The following RAPGEF2 variants were observed in gnomAD, a reference collection of about 807,000 sequenced individuals.
RAPGEF2 encodes PDZ domain containing guanine nucleotide exchange factor (GEF) 1.
RAPGEF2 carries 54 observed loss-of-function variants against 186.7 expected under a neutral mutation model. That is an observed-to-expected ratio of 0.29 (90% confidence interval 0.23 to 0.36). The LOEUF (loss-of-function observed/expected upper bound fraction) is 0.36, where lower values mean the gene tolerates loss of function less well. Ranked by LOEUF, RAPGEF2 falls within the 10% of genes least tolerant of loss-of-function variation. The pLI, the probability that RAPGEF2 is intolerant of heterozygous loss-of-function variation, is 1.00. For synonymous variants in RAPGEF2, 712 were observed against 705.9 expected (o/e 1.01, Z -0.14); for missense variants, 1,532 against 2,045.0 (o/e 0.75, Z 4.84).
intron 7 of RAPGEF2, chr4:159,267,848 A>G: frequency 9.3e-7 from 1 of 1,077,612 alleles, no homozygotes; most frequent in Non-Finnish European, 1.1e-6. Flanking sequence ...AATCTCAGAA[A>G]TGATCTTGTT....
intron 4 of RAPGEF2, among the ~76,000 whole-genome samples, chr4:159,215,780 T>A (rs1420216320): frequency 6.6e-6 from 1 of 152,086 alleles, no homozygotes; most frequent in Non-Finnish European, 1.5e-5. Context: ...GACTGTAAGG[T>A]TGAAGGGAAA....
intron 9 of RAPGEF2, among the ~76,000 whole-genome samples, chr4:159,317,126 A>G (rs530726575): frequency 1.3e-5 from 2 of 152,202 alleles, no homozygotes; most frequent in African/African-American, 2.4e-5. Flanking sequence ...AACATGTATG[A>G]GGAAAAACTT....
At chr4:159,174,550 C>T (rs1746252392) in intron 1 of RAPGEF2, among the ~76,000 whole-genome samples, 1 of 152,136 alleles carries the variant, frequency 6.6e-6, no homozygotes, top group Non-Finnish European at 1.5e-5. Flanking sequence ...AATTACTAAT[C>T]ACCTTTGTCT....
intron 1 of RAPGEF2, among the ~76,000 whole-genome samples, chr4:159,152,262 A>G (rs1743630507): frequency 6.6e-6 from 1 of 152,184 alleles, no homozygotes; most frequent in South Asian, 2.1e-4. Context: ...AGAGTCTGCA[A>G]GTGAGCCAGG....
At chr4:159,282,460 C>T (rs879278618) in intron 7 of RAPGEF2, 3 of 246,388 alleles carry the variant, frequency 1.2e-5, no homozygotes, top group South Asian at 4.2e-5. Flanking sequence ...GTAGTCATTT[C>T]GTGTGTGTGT....
chr4:159,200,541 G>C (rs1374098555), intron 3 of RAPGEF2, among the ~76,000 whole-genome samples: 3 of 151,860 alleles, frequency 2.0e-5, no homozygotes, highest in East Asian at 3.9e-4. Flanking sequence ...TGGCTTTACT[G>C]GTTCTTTAGT....
At chr4:159,340,522 A>G (rs1031201331) in intron 19 of RAPGEF2, among the ~76,000 whole-genome samples, 5 of 152,146 alleles carry the variant, frequency 3.3e-5, no homozygotes, top group South Asian at 2.1e-4. Context: ...ATTTTCTGTT[A>G]TATGTGTTTG....
intron 7 of RAPGEF2, among the ~76,000 whole-genome samples, chr4:159,261,822 C>A (rs577349345): frequency 6.6e-6 from 1 of 152,154 alleles, no homozygotes; most frequent in Non-Finnish European, 1.5e-5. Flanking sequence ...TTATAGATAA[C>A]CCCTTCTACC....
intron 1 of RAPGEF2, among the ~76,000 whole-genome samples, chr4:159,137,012 A>G (rs887201411): frequency 2.0e-5 from 3 of 152,214 alleles, no homozygotes; most frequent in African/African-American, 7.2e-5. Flanking sequence ...GTAAATTTAT[A>G]ATCATCATAG....
intron 7 of RAPGEF2, chr4:159,268,109 G>A: frequency 6.2e-7 from 1 of 1,604,432 alleles, no homozygotes. Context: ...CATCGTGAGA[G>A]ATTGGTACAT....
intron 1 of RAPGEF2, among the ~76,000 whole-genome samples, chr4:159,108,758 A>G (rs1738171307): frequency 6.6e-6 from 1 of 152,046 alleles, no homozygotes; most frequent in Admixed American, 6.6e-5. Flanking sequence ...AGATATATAT[A>G]TTTGGAATAG....
chr4:159,234,824 A>G (rs909632261), intron 4 of RAPGEF2, among the ~76,000 whole-genome samples: 2 of 152,066 alleles, frequency 1.3e-5, no homozygotes, highest in East Asian at 1.9e-4. Context: ...CAGTGGTGCA[A>G]TCTCGACTCA....
intron 1 of RAPGEF2, among the ~76,000 whole-genome samples, chr4:159,166,068 C>T (rs1745279553): frequency 6.6e-6 from 1 of 152,092 alleles, no homozygotes; most frequent in South Asian, 2.1e-4. Context: ...CACCTGTAAT[C>T]CCAGCACTTT....
intron 1 of RAPGEF2, among the ~76,000 whole-genome samples, chr4:159,112,297 A>G (rs1437530523): frequency 6.6e-6 from 1 of 152,218 alleles, no homozygotes; most frequent in Non-Finnish European, 1.5e-5. Flanking sequence ...ATATAGAGCA[A>G]AGAGCATAAG....
rs370477370 is a variant in RAPGEF2 at position 159,240,331 on chromosome 4, C to CTTTTTTTTTTTTTTTTTTTTTTTTTTTTT, written c.358-851_358-850insTTTTTTTTTTTTTTTTTTTTTTTTTTTTT. 2.6e-5 allele frequency among the ~76,000 whole-genome samples: 2 copies of CTTTTTTTTTTTTTTTTTTTTTTTTTTTTT among 77,610 alleles called. 1 individual carries two copies. The highest frequency in any genetic ancestry group is 1.1e-4 in the African/African-American group (2 of 18,598). 50.9% of individuals were successfully genotyped at this position (77,610 alleles called of 152,430 possible). ...CCCTGTTCATTCATCAGCATTTCTACTTTTTTTTTTTTTTTTTTTGGAGAC... is the reference window on the plus strand; with the variant it reads ...CCCTGTTCATTCATCAGCATTTCTACTTTTTTTTTTTTTTTTTTTTTTTTTTTTTTTTTTTTTTTTTTTTTTTTGGAGAC... On this transcript the variant is annotated intron_variant, in intron 5 of 29. Transcript: ENST00000691494.
intron 26 of RAPGEF2, chr4:159,352,432 C>A: frequency 4.9e-6 from 2 of 409,170 alleles, no homozygotes; most frequent in African/African-American, 2.0e-5. Context: ...TTGAGTGGTG[C>A]CTTTTCTGCA....
rs574636378 is a variant in RAPGEF2 at position 159,116,816 on chromosome 4, T to C, written c.69+12585T>C. ...AACACAAGAACAGAAAACCAAACAC[T>C]GCATGTTCTCACTTACAAGTGGGAA... On this transcript the variant is annotated intron_variant, in intron 1 of 29. Transcript: ENST00000691494. Among the ~76,000 whole-genome samples, 36 of 152,226 alleles carry C rather than the reference T, an allele frequency of 2.4e-4. No homozygotes were observed. In the South Asian group the frequency reaches 7.5e-3, roughly 32 times the overall value.
intron 20 of RAPGEF2, among the ~76,000 whole-genome samples, chr4:159,342,158 A>G (rs1428490632): frequency 1.3e-5 from 2 of 152,226 alleles, no homozygotes; most frequent in Admixed American, 1.3e-4. Flanking sequence ...AGATTTGAAG[A>G]AGCCATTAAG....
intron 29 of RAPGEF2, among the ~76,000 whole-genome samples, chr4:159,357,591 G>A (rs1053739342): frequency 4.6e-5 from 7 of 152,174 alleles, no homozygotes; most frequent in African/African-American, 1.7e-4. Context: ...GCCGAGGCAG[G>A]AGAATCGCTT....
Sources: gnomAD v4.1 joint callset for allele counts (sites outside exome capture counted in the v4.1 genomes callset) on GRCh38, gnomAD v4.1.1 for gene constraint, MANE v1.5 for transcripts, NCBI Gene and HGNC (gene_info 2026-07-23, HGNC 2026-07-21) for gene names.